The following PTGER4 variants were observed in gnomAD, a reference collection of about 807,000 sequenced individuals.
PTGER4 encodes prostaglandin E receptor 4.
PTGER4 carries 11 observed loss-of-function variants against 33.2 expected under a neutral mutation model. The observed-to-expected ratio is 0.33, with a 90% CI of 0.21 to 0.55. The LOEUF (loss-of-function observed/expected upper bound fraction) is 0.55. Ranked by LOEUF, PTGER4 falls within the 20% of genes least tolerant of loss-of-function variation. The pLI is 0.92. For synonymous variants in PTGER4, 275 were observed against 281.5 expected (o/e 0.98, Z 0.23); for missense variants, 481 against 650.2 (o/e 0.74, Z 2.83).
At chr5:40,708,618 T>TA in the PTGER4 span, among the ~76,000 whole-genome samples, 1 of 152,202 alleles carries the variant, frequency 6.6e-6, no homozygotes, top group African/African-American at 2.4e-5. Flanking sequence ...GAGGAGCTGG[T>TA]ACCATTCCTT....
chr5:40,706,988 T>C, the PTGER4 span, among the ~76,000 whole-genome samples: 1 of 152,150 alleles, frequency 6.6e-6, no homozygotes, highest in South Asian at 2.1e-4. Flanking sequence ...CTGAGAGGTT[T>C]TGTCACAACC....
the PTGER4 span, among the ~76,000 whole-genome samples, chr5:40,740,015 T>G: frequency 6.6e-6 from 1 of 152,118 alleles, no homozygotes; most frequent in African/African-American, 2.4e-5. Flanking sequence ...TTTTATTATT[T>G]TTTAATGGTT....
chr5:40,709,758 G>A, the PTGER4 span, among the ~76,000 whole-genome samples: 1 of 152,198 alleles, frequency 6.6e-6, no homozygotes, highest in South Asian at 2.1e-4. Flanking sequence ...AAAGCTGGAG[G>A]CATCATGCTA....
chr5:40,719,135 C>T, the PTGER4 span, among the ~76,000 whole-genome samples: 1 of 152,148 alleles, frequency 6.6e-6, no homozygotes, highest in East Asian at 1.9e-4. Flanking sequence ...TATTCACAGT[C>T]ACACAGCCAT....
the PTGER4 span, among the ~76,000 whole-genome samples, chr5:40,726,175 GTATA>G: frequency 7.1e-6 from 1 of 141,546 alleles, no homozygotes; most frequent in Non-Finnish European, 1.5e-5. Flanking sequence ...ACACACACAC[GTATA>G]TATATATAAA....
chr5:40,680,882 G>C lies in PTGER4; in HGVS notation c.-43-69G>C. ...CTTATCAGTGTATCGTTTCTCGGGCGCGGGTCTAACACCTTACAAGTGGTA... is the reference window on the plus strand; with the variant it reads ...CTTATCAGTGTATCGTTTCTCGGGCCCGGGTCTAACACCTTACAAGTGGTA... On this transcript the variant is annotated intron_variant, in intron 1 of 2. Coordinates refer to ENST00000302472, the MANE Select transcript of PTGER4 (RefSeq NM_000958.3). This position sits in a 1 kb window ranked among gnomAD's most constrained non-coding sequence, Gnocchi z 5.5. 1.5e-6 allele frequency: 2 copies of C among 1,320,378 alleles called. No homozygotes were observed. The highest frequency in any genetic ancestry group is 4.7e-5 in the East Asian group (2 of 42,948). The allele number at this position is 1,320,378 out of a possible 1,614,324, so 81.8% of individuals were successfully genotyped here.
chr5:40,727,063 C>T, the PTGER4 span, among the ~76,000 whole-genome samples: 1 of 152,212 alleles, frequency 6.6e-6, no homozygotes, highest in East Asian at 1.9e-4. Flanking sequence ...CAATTATTTT[C>T]TCATACAAAT....
At chr5:40,701,185 G>C in the PTGER4 span, among the ~76,000 whole-genome samples, 2 of 152,298 alleles carry the variant, frequency 1.3e-5, no homozygotes, top group Admixed American at 6.5e-5. Context: ...GGCTTAACTG[G>C]CTGGAATGAT....
downstream of PTGER4, among the ~76,000 whole-genome samples, chr5:40,696,314 T>C (rs1344372674): frequency 3.9e-5 from 6 of 152,192 alleles, no homozygotes; most frequent in East Asian, 1.2e-3. Flanking sequence ...CTTGTACTAG[T>C]CTCAGAACAA....
the PTGER4 span, among the ~76,000 whole-genome samples, chr5:40,743,593 C>A: frequency 6.6e-6 from 1 of 151,776 alleles, no homozygotes; most frequent in Non-Finnish European, 1.5e-5. Context: ...GCCAACATGG[C>A]GAAATCCCAT....
chr5:40,740,290 T>C, the PTGER4 span, among the ~76,000 whole-genome samples: 1 of 151,760 alleles, frequency 6.6e-6, no homozygotes. Flanking sequence ...ATGATTTTCC[T>C]TCTATGTAAA....
chr5:40,705,719 A>T, the PTGER4 span, among the ~76,000 whole-genome samples: 1 of 152,302 alleles, frequency 6.6e-6, no homozygotes, highest in East Asian at 1.9e-4. Context: ...AAAAGCATAT[A>T]AAAAAAGCTC....
chr5:40,723,154 A>C, the PTGER4 span, among the ~76,000 whole-genome samples: 1 of 152,140 alleles, frequency 6.6e-6, no homozygotes, highest in African/African-American at 2.4e-5. Flanking sequence ...GTGCTCTCTG[A>C]AACATGTGCT....
chr5:40,737,837 G>A, the PTGER4 span, among the ~76,000 whole-genome samples: 5 of 152,132 alleles, frequency 3.3e-5, no homozygotes, highest in South Asian at 2.1e-4. Flanking sequence ...GGAATCAGAC[G>A]GTATGTACTC....
At chr5:40,688,401 A>T (rs932249187) in intron 2 of PTGER4, among the ~76,000 whole-genome samples, 2 of 152,230 alleles carry the variant, frequency 1.3e-5, no homozygotes, top group Non-Finnish European at 2.9e-5. Flanking sequence ...CACACACAGG[A>T]CTTGATACTA....
chr5:40,694,213 G>A (rs1323482926), downstream of PTGER4, among the ~76,000 whole-genome samples: 2 of 152,206 alleles, frequency 1.3e-5, no homozygotes, highest in East Asian at 3.9e-4. Flanking sequence ...ACCATGCCCA[G>A]CTAAATTTTG....
At chr5:40,685,446 G>A (rs1741300414) in intron 2 of PTGER4, 1 of 985,280 alleles carries the variant, frequency 1.0e-6, no homozygotes, top group Non-Finnish European at 1.2e-6. Context: ...TGAGTGTGAA[G>A]CACATCTATA....
downstream of PTGER4, among the ~76,000 whole-genome samples, chr5:40,697,591 A>C (rs941579430): frequency 2.0e-5 from 3 of 149,198 alleles, no homozygotes; most frequent in African/African-American, 7.4e-5. Context: ...CTCAAAAAAA[A>C]AACAAAAAAA....
the PTGER4 span, among the ~76,000 whole-genome samples, chr5:40,717,671 A>C: frequency 6.6e-5 from 10 of 152,250 alleles, no homozygotes; most frequent in African/African-American, 2.4e-4. Flanking sequence ...ACTGCCCTCC[A>C]AGTGAGAATC....
Sources: gnomAD v4.1 joint callset for allele counts (sites outside exome capture counted in the v4.1 genomes callset) on GRCh38, gnomAD v4.1.1 for gene constraint, Gnocchi (gnomAD v3.1) non-coding constraint, MANE v1.5 for transcripts, NCBI Gene and HGNC (gene_info 2026-07-23, HGNC 2026-07-21) for gene names.